The following GBE1 variants were observed in gnomAD, a reference collection of about 807,000 sequenced individuals.
GBE1 encodes the protein 1,4-alpha-glucan branching enzyme 1.
A neutral mutation model predicts 88.8 loss-of-function variants in GBE1; 70 were observed. The ratio of observed to expected loss-of-function variants is 0.79; its 90% CI spans 0.65 to 0.96. The LOEUF is 0.96. Ranked by LOEUF, GBE1 falls within the 40% of genes least tolerant of loss-of-function variation. The pLI is 0.00. For synonymous variants in GBE1, 284 were observed against 300.1 expected (o/e 0.95, Z 0.56); for missense variants, 872 against 871.0 (o/e 1.00, Z -0.01).
chr3:81,546,927 G>A (rs1022926321), intron 12 of GBE1, among the ~76,000 whole-genome samples: 5 of 150,884 alleles, frequency 3.3e-5, no homozygotes, highest in Admixed American at 6.6e-5. Flanking sequence ...ACCCCTTTCC[G>A]GTAACATCTT....
intron 1 of GBE1, among the ~76,000 whole-genome samples, chr3:81,735,158 G>A (rs1299611925): frequency 6.6e-6 from 1 of 152,154 alleles, no homozygotes; most frequent in Non-Finnish European, 1.5e-5. Context: ...GGTGACAAAT[G>A]TATACTGATA....
intron 7 of GBE1, among the ~76,000 whole-genome samples, chr3:81,601,991 C>T (rs892097997): frequency 3.3e-5 from 5 of 152,110 alleles, no homozygotes; most frequent in Admixed American, 6.6e-5. Flanking sequence ...AGACATTTTA[C>T]AACTACTAAC....
intron 2 of GBE1, among the ~76,000 whole-genome samples, chr3:81,702,098 AGAGAGTGTGTGTGTGTGTGTGTGT>A (rs1479995707): frequency 3.7e-4 from 15 of 40,786 alleles, no homozygotes; most frequent in South Asian, 2.7e-3. Context: ...AGAGAGAGAG[AGAGAGTGTGTGTGTGTGTGTGTGT>A]GTGTGTGTGT....
chr3:81,505,720 T>C (rs1021602120), intron 14 of GBE1, among the ~76,000 whole-genome samples: 1 of 152,112 alleles, frequency 6.6e-6, no homozygotes, highest in Non-Finnish European at 1.5e-5. Context: ...TGTTAGTGTG[T>C]GGTGGAGGGG....
intron 15 of GBE1, among the ~76,000 whole-genome samples, chr3:81,491,419 A>G (rs1002984170): frequency 6.6e-6 from 1 of 152,194 alleles, no homozygotes; most frequent in African/African-American, 2.4e-5. Flanking sequence ...AACAAGGTAG[A>G]TGTTGATGAC....
At chr3:81,634,030 C>G (rs752708644) in intron 7 of GBE1, among the ~76,000 whole-genome samples, 4 of 152,182 alleles carry the variant, frequency 2.6e-5, no homozygotes, top group Non-Finnish European at 5.9e-5. Flanking sequence ...ATTCTCAACA[C>G]GAAAGCAACT....
intron 7 of GBE1, chr3:81,612,808 C>T: frequency 2.3e-6 from 1 of 430,170 alleles, no homozygotes; most frequent in Non-Finnish European, 4.5e-6. Context: ...AGCTTCTTTA[C>T]CTGATTTGCT....
chr3:81,547,344 G>C (rs1346334498), intron 12 of GBE1, among the ~76,000 whole-genome samples: 1 of 151,504 alleles, frequency 6.6e-6, no homozygotes, highest in Admixed American at 6.6e-5. Flanking sequence ...CAGCACTATG[G>C]GATGTTAACT....
Position 81,562,097 on chromosome 3 carries a change from T to C in GBE1, c.1618+15828A>G, listed in dbSNP as rs377280866. Among the ~76,000 whole-genome samples, 6 of 152,192 alleles carry C rather than the reference T, an allele frequency of 3.9e-5. No individual in the cohort carries two copies. In the East Asian group the frequency reaches 7.7e-4, roughly 20 times the overall value. On this transcript the variant is annotated intron_variant, in intron 12 of 15. Transcript: ENST00000429644. ...GTTTCCTCTCTGGATAGTGAGCTCC[T>C]TGAGTTAAGACTAAGTGTTCTCTTT...
chr3:81,537,082 C>A lies in GBE1; in HGVS notation c.1632G>T (p.Gly544=). Residue 544 remains glycine, a synonymous_variant, in exon 13 of 16, where the codon GGG becomes GGT. Coordinates refer to ENST00000429644, the MANE Select transcript of GBE1 (RefSeq NM_000158.4). ...GYLNFMGNEF[G]HPEWLDFPRK... ...TTGGGAAGTCTAACCATTCAGGATGCCCAAATTCATTACCTGCATTACAAA... is the reference window on the plus strand; with the variant it reads ...TTGGGAAGTCTAACCATTCAGGATGACCAAATTCATTACCTGCATTACAAA... The A allele has an allele frequency of 6.5e-7, 1 of 1,529,710 alleles. No homozygotes were observed. The highest frequency in any genetic ancestry group is 1.4e-5 in the African/African-American group (1 of 70,146). The allele number at this position is 1,529,710 out of a possible 1,614,324, so 94.8% of individuals were successfully genotyped here.
At position 81,692,199 on chromosome 3, in the gene GBE1, T is replaced by C. The variant is rs1407975025; in HGVS notation, c.313+13245A>G. Among the ~76,000 whole-genome samples, 3 of 152,348 alleles carry C rather than the reference T, an allele frequency of 2.0e-5. No homozygotes were observed. The East Asian group carries it at 5.8e-4, about 29-fold the overall frequency. On this transcript the variant is annotated intron_variant, in intron 2 of 15. Coordinates refer to ENST00000429644, the MANE Select transcript of GBE1 (RefSeq NM_000158.4). Reference sequence around the variant, plus strand: ...TCTATATTCACCATATTTTTATTTTTAATGCCTTGGATTAAAAGTGCTCAA... The same window carrying C: ...TCTATATTCACCATATTTTTATTTTCAATGCCTTGGATTAAAAGTGCTCAA...
chr3:81,504,742 C>T lies in GBE1; in HGVS notation c.1935-5515G>A, dbSNP rs190626514. Among the ~76,000 whole-genome samples, 186 of 152,246 alleles carry T rather than the reference C, an allele frequency of 1.2e-3. 1 individual carries two copies. The highest frequency in any genetic ancestry group is 1.7e-3 in the Non-Finnish European group (117 of 68,010). On this transcript the variant is annotated intron_variant, in intron 14 of 15. Coordinates refer to ENST00000429644, the MANE Select transcript of GBE1 (RefSeq NM_000158.4). ...TAATAAGATTAAAGAACAGTGAAGG[C>T]ATGAAGACTCTTAAATTCAATGGCT...
chr3:81,552,916 G>A (rs982813195), intron 12 of GBE1, among the ~76,000 whole-genome samples: 1 of 152,152 alleles, frequency 6.6e-6, no homozygotes, highest in African/African-American at 2.4e-5. Flanking sequence ...CAATATGGGA[G>A]GGAACATTAT....
At chr3:81,533,797 C>CA (rs1044610254) in intron 14 of GBE1, among the ~76,000 whole-genome samples, 11 of 151,894 alleles carry the variant, frequency 7.2e-5, no homozygotes, top group African/African-American at 2.7e-4. Flanking sequence ...AAGAGATGCA[C>CA]AAAAAAATCT....
At position 81,705,446 on chromosome 3, in the gene GBE1, A is replaced by G; in HGVS notation, c.311T>C (p.Phe104Ser). Reference sequence around the variant, plus strand: ...GTTCAATGCTTTCAAGTACTTACTAAAATCTCCAGTAAGAAAAACTCCTTC... The same window carrying G: ...GTTCAATGCTTTCAAGTACTTACTAGAATCTCCAGTAAGAAAAACTCCTTC... Reference protein sequence around the residue: ...GAEGVFLTGDFNGWNPFSYPY... With the variant: ...GAEGVFLTGDSNGWNPFSYPY... The change falls in exon 2 of 16, where the codon TTT (phenylalanine) becomes TCT (serine). Residue 104 changes from phenylalanine (F) to serine (S), a missense_variant and splice_region_variant. Transcript: ENST00000429644. 1.3e-6 allele frequency: 2 copies of G among 1,578,880 alleles called. No homozygotes were observed. Among genetic ancestry groups the G allele is most frequent in the Non-Finnish European group, 1.7e-6 (2 of 1,164,288 alleles).
chr3:81,680,494 C>CAAAAAA (rs10711455), intron 2 of GBE1, among the ~76,000 whole-genome samples: 1 of 94,702 alleles, frequency 1.1e-5, no homozygotes, highest in Non-Finnish European at 2.2e-5. Context: ...GACTCCGTCT[C>CAAAAAA]AAAAAAAAAA....
At chr3:81,584,973 T>A (rs942896547) in intron 10 of GBE1, among the ~76,000 whole-genome samples, 4 of 152,050 alleles carry the variant, frequency 2.6e-5, no homozygotes, top group African/African-American at 9.7e-5. Flanking sequence ...TAGTAAGAGA[T>A]GGGGCTGATG....
intron 1 of GBE1, among the ~76,000 whole-genome samples, chr3:81,750,553 A>ATG (rs1706486556): frequency 1.5e-4 from 11 of 74,222 alleles, no homozygotes; most frequent in East Asian, 1.2e-3. Flanking sequence ...ATATATATGT[A>ATG]TATATATATG....
At chr3:81,612,612 GA>G in intron 7 of GBE1, 2 of 614,318 alleles carry the variant, frequency 3.3e-6, no homozygotes. Flanking sequence ...GACCTCTTCT[GA>G]AAAAGTGGTT....
Sources: gnomAD v4.1 joint callset for allele counts (sites outside exome capture counted in the v4.1 genomes callset) on GRCh38, gnomAD v4.1.1 for gene constraint, MANE v1.5 for transcripts, NCBI Gene and HGNC (gene_info 2026-07-23, HGNC 2026-07-21) for gene names.